The following IQCM variants were observed in gnomAD, a reference collection of about 807,000 sequenced individuals.
IQCM encodes IQ motif containing M, also known as IQ domain-containing protein M.
In IQCM, 45 loss-of-function variants were observed where a neutral mutation model predicts 57.6. The ratio of observed to expected loss-of-function variants is 0.78; its 90% CI spans 0.62 to 1.00. The LOEUF is 1.00. IQCM is among the 50% of genes least tolerant of loss of function. The pLI, the probability that IQCM is intolerant of heterozygous loss-of-function variation, is 0.00. For missense variants in IQCM, 468 were observed against 511.6 expected (o/e 0.91, Z 0.82); for synonymous variants, 148 against 158.9 (o/e 0.93, Z 0.51).
chr4:149,730,369 C>T (rs1766344006), intron 5 of IQCM, among the ~76,000 whole-genome samples: 1 of 152,104 alleles, frequency 6.6e-6, no homozygotes, highest in South Asian at 2.1e-4. Context: ...CATCATACCC[C>T]ATCTCTACAG....
At chr4:149,717,101 A>G (rs1447752879) in intron 5 of IQCM, among the ~76,000 whole-genome samples, 1 of 152,142 alleles carries the variant, frequency 6.6e-6, no homozygotes, top group Non-Finnish European at 1.5e-5. Flanking sequence ...AAATTGGTAA[A>G]CTTAGGTAAG....
At chr4:149,738,211 C>T (rs1383147431) in intron 3 of IQCM, among the ~76,000 whole-genome samples, 1 of 152,156 alleles carries the variant, frequency 6.6e-6, no homozygotes, top group Admixed American at 6.5e-5. Flanking sequence ...TACAAATGTA[C>T]TGCTTTTCCC....
At chr4:149,776,839 G>T in intron 2 of IQCM, among the ~76,000 whole-genome samples, 1 of 151,910 alleles carries the variant, frequency 6.6e-6, no homozygotes. Flanking sequence ...GAACATTCAA[G>T]AGTCTATAAT....
intron 12 of IQCM, among the ~76,000 whole-genome samples, chr4:149,435,717 G>A (rs1735298391): frequency 6.6e-6 from 1 of 151,958 alleles, no homozygotes; most frequent in South Asian, 2.1e-4. Flanking sequence ...GGAGGAGAAA[G>A]ACAGTGAATA....
At chr4:149,607,877 A>G (rs987067952) in intron 8 of IQCM, among the ~76,000 whole-genome samples, 4 of 151,916 alleles carry the variant, frequency 2.6e-5, no homozygotes, top group African/African-American at 7.2e-5. Context: ...GGAGGGAGGG[A>G]AAAAGGAGAC....
intron 9 of IQCM, among the ~76,000 whole-genome samples, chr4:149,566,312 A>G (rs1750629287): frequency 1.3e-5 from 2 of 152,198 alleles, no homozygotes; most frequent in African/African-American, 4.8e-5. Context: ...CCAAGCCAAA[A>G]AGTGAGGGAA....
chr4:149,514,306 C>A (rs1337731735), intron 12 of IQCM, among the ~76,000 whole-genome samples: 1 of 152,112 alleles, frequency 6.6e-6, no homozygotes, highest in Admixed American at 6.6e-5. Flanking sequence ...TGTGAAAGAA[C>A]ATGCTAAATA....
chr4:149,489,275 A>C (rs999156938), intron 12 of IQCM, among the ~76,000 whole-genome samples: 2 of 152,098 alleles, frequency 1.3e-5, no homozygotes, highest in African/African-American at 2.4e-5. Context: ...TGTCCAGCAT[A>C]GTCTTCTCAG....
At chr4:149,684,648 A>G (rs1196509547) in intron 6 of IQCM, among the ~76,000 whole-genome samples, 1 of 151,336 alleles carries the variant, frequency 6.6e-6, no homozygotes, top group Non-Finnish European at 1.5e-5. Context: ...CTGTTTCCTT[A>G]TCTTCATTAT....
intron 8 of IQCM, among the ~76,000 whole-genome samples, chr4:149,590,973 C>T (rs1359020311): frequency 6.6e-6 from 1 of 151,956 alleles, no homozygotes; most frequent in African/African-American, 2.4e-5. Context: ...CCTGGTCTTC[C>T]CAGGCCAATG....
chr4:149,487,465 C>T (rs897315221), intron 12 of IQCM, among the ~76,000 whole-genome samples: 7 of 152,128 alleles, frequency 4.6e-5, no homozygotes, highest in Admixed American at 1.3e-4. Flanking sequence ...CCACCTTAGT[C>T]CACTGTCTCT....
At chr4:149,581,913 G>A (rs1479121467) in intron 9 of IQCM, among the ~76,000 whole-genome samples, 3 of 151,608 alleles carry the variant, frequency 2.0e-5, no homozygotes, top group African/African-American at 7.3e-5. Flanking sequence ...ATATTTCTGT[G>A]TGTGTGTATG....
At chr4:149,684,523 A>C (rs1461242195) in intron 6 of IQCM, among the ~76,000 whole-genome samples, 4 of 151,464 alleles carry the variant, frequency 2.6e-5, no homozygotes, top group Admixed American at 2.0e-4. Flanking sequence ...AGTTTCATAA[A>C]GAGTTGGGTC....
intron 12 of IQCM, among the ~76,000 whole-genome samples, chr4:149,482,347 G>T (rs886547825): frequency 6.6e-6 from 1 of 151,918 alleles, no homozygotes; most frequent in Non-Finnish European, 1.5e-5. Flanking sequence ...AGGCATCCTT[G>T]TCATGTTCCA....
At chr4:149,638,767 C>T (rs1757935875) in intron 7 of IQCM, among the ~76,000 whole-genome samples, 1 of 152,132 alleles carries the variant, frequency 6.6e-6, no homozygotes. Flanking sequence ...TTCATCAAGG[C>T]TGTTCCAAAA....
intron 12 of IQCM, among the ~76,000 whole-genome samples, chr4:149,458,900 T>G (rs1406954632): frequency 6.6e-6 from 1 of 152,186 alleles, no homozygotes; most frequent in African/African-American, 2.4e-5. Flanking sequence ...ATAGTTTATC[T>G]TTTGGGTGCC....
rs530574615 is a variant in IQCM, at chr4:149,710,447, G to T, written c.385+22797C>A. 2.0e-3 allele frequency among the ~76,000 whole-genome samples: 311 copies of T among 152,182 alleles called. 1 individual carries two copies. Among genetic ancestry groups the T allele is most frequent in the African/African-American group, 6.8e-3 (284 of 41,524 alleles). On this transcript the variant is annotated intron_variant, in intron 5 of 13. Coordinates refer to ENST00000636793, the MANE Select transcript of IQCM (RefSeq NM_001363507.2). ...TTATAGCCATTTTGGACAATTCATC[G>T]TTGTTGGCCCAGCAAAGTAATCATG... is the stretch of plus-strand genomic sequence containing the variant.
intron 12 of IQCM, among the ~76,000 whole-genome samples, chr4:149,546,190 G>A (rs1748400077): frequency 6.6e-6 from 1 of 152,100 alleles, no homozygotes; most frequent in African/African-American, 2.4e-5. Flanking sequence ...GTGTATATGT[G>A]CCACATTTTC....
At chr4:149,660,769 G>C (rs1760118247) in intron 7 of IQCM, among the ~76,000 whole-genome samples, 1 of 151,986 alleles carries the variant, frequency 6.6e-6, no homozygotes, top group Non-Finnish European at 1.5e-5. Flanking sequence ...ATTCATAGGT[G>C]GGAACCGAAC....
Sources: allele counts gnomAD v4.1 joint callset (sites outside exome capture counted in the v4.1 genomes callset), GRCh38; gene constraint gnomAD v4.1.1; transcripts MANE v1.5; gene names NCBI Gene and HGNC (gene_info 2026-07-23, HGNC 2026-07-21).